The following ZNF804B variants were observed in gnomAD, a reference collection of about 807,000 sequenced individuals.
ZNF804B encodes the protein zinc finger protein 804B.
ZNF804B carries 80 observed loss-of-function variants against 101.4 expected under a neutral mutation model. The observed-to-expected ratio is 0.79, with a 90% CI of 0.66 to 0.95. The LOEUF (loss-of-function observed/expected upper bound fraction) is 0.95. Ranked by LOEUF, ZNF804B falls within the 40% of genes least tolerant of loss-of-function variation. The pLI, the probability that ZNF804B is intolerant of heterozygous loss-of-function variation, is 0.00. For synonymous variants in ZNF804B, 622 were observed against 558.8 expected, an observed-to-expected ratio of 1.11 and a Z score of -1.59; for missense variants, 1,673 against 1,561.9, an observed-to-expected ratio of 1.07 and a Z score of -1.20.
intron 1 of ZNF804B, among the ~76,000 whole-genome samples, chr7:88,820,600 G>A (rs1757784019): frequency 6.6e-6 from 1 of 152,176 alleles, no homozygotes; most frequent in South Asian, 2.1e-4. Flanking sequence ...ATGTTCTGGA[G>A]CATGGTGAAG....
intron 1 of ZNF804B, among the ~76,000 whole-genome samples, chr7:89,130,064 C>T (rs755870917): frequency 6.6e-6 from 1 of 151,824 alleles, no homozygotes; most frequent in South Asian, 2.1e-4. Flanking sequence ...AATATATATT[C>T]CCAGCTGTTG....
chr7:89,278,905 G>A (rs1050518413), intron 2 of ZNF804B, among the ~76,000 whole-genome samples: 1 of 152,078 alleles, frequency 6.6e-6, no homozygotes, highest in East Asian at 1.9e-4. Flanking sequence ...TTGGTAGCTT[G>A]ATGGGGATGG....
chr7:88,937,856 T>TGA (rs756874569), intron 1 of ZNF804B, among the ~76,000 whole-genome samples: 3 of 151,838 alleles, frequency 2.0e-5, no homozygotes, highest in Non-Finnish European at 4.4e-5. Context: ...TTTACATCTT[T>TGA]GAGAGAGAGA....
intron 1 of ZNF804B, among the ~76,000 whole-genome samples, chr7:89,081,591 G>A (rs1338138145): frequency 6.6e-6 from 1 of 151,716 alleles, no homozygotes; most frequent in African/African-American, 2.4e-5. Flanking sequence ...AAGAAAAACA[G>A]GTCATCAACA....
chr7:88,827,230 A>G lies in ZNF804B; in HGVS notation c.108+67146A>G, dbSNP rs565936913. Among the ~76,000 whole-genome samples the G allele has an allele frequency of 6.6e-4, 100 of 152,012 alleles. 1 individual carries two copies. Among genetic ancestry groups the G allele is most frequent in the Middle Eastern group, 3.4e-3 (1 of 294 alleles). ...TAATTTCCAAGAGGATACAGTATAC[A>G]CAGTTTTAAAAATAAACTCATTAAC... On this transcript the variant is annotated intron_variant, in intron 1 of 3. Transcript: ENST00000333190.
intron 1 of ZNF804B, among the ~76,000 whole-genome samples, chr7:88,983,065 C>T (rs1793714774): frequency 6.6e-6 from 1 of 152,092 alleles, no homozygotes; most frequent in Non-Finnish European, 1.5e-5. Flanking sequence ...ACCCCACTCT[C>T]ATATTCTAAG....
At chr7:89,261,952 G>A (rs1789718819) in intron 2 of ZNF804B, among the ~76,000 whole-genome samples, 1 of 152,006 alleles carries the variant, frequency 6.6e-6, no homozygotes, top group Non-Finnish European at 1.5e-5. Context: ...CTCACTTTCT[G>A]GGTTTATTAT....
chr7:89,320,588 T>G (rs1790803983), intron 2 of ZNF804B, among the ~76,000 whole-genome samples: 2 of 151,928 alleles, frequency 1.3e-5, no homozygotes, highest in Non-Finnish European at 2.9e-5. Flanking sequence ...TAAGAGAGCA[T>G]GAGGTAGAAA....
At chr7:88,769,916 A>G (rs1488272216) in intron 1 of ZNF804B, among the ~76,000 whole-genome samples, 1 of 152,162 alleles carries the variant, frequency 6.6e-6, no homozygotes, top group African/African-American at 2.4e-5. Flanking sequence ...TAAATAATAA[A>G]TTTTATCTAA....
At chr7:88,773,051 T>C (rs957999072) in intron 1 of ZNF804B, among the ~76,000 whole-genome samples, 2 of 152,196 alleles carry the variant, frequency 1.3e-5, no homozygotes, top group African/African-American at 2.4e-5. Flanking sequence ...TGGTTAAAAT[T>C]CATACATCTT....
At chr7:89,257,858 T>C (rs1789657216) in intron 2 of ZNF804B, among the ~76,000 whole-genome samples, 1 of 152,122 alleles carries the variant, frequency 6.6e-6, no homozygotes, top group Admixed American at 6.5e-5. Flanking sequence ...TGAGAACATG[T>C]GACATTTGGT....
chr7:89,285,892 C>T (rs1213596782), intron 2 of ZNF804B, among the ~76,000 whole-genome samples: 1 of 142,566 alleles, frequency 7.0e-6, no homozygotes, highest in South Asian at 2.1e-4. Context: ...CTCTGTCACC[C>T]TGAGACAGCA....
chr7:89,086,695 A>G (rs572704342), intron 1 of ZNF804B, among the ~76,000 whole-genome samples: 1 of 152,164 alleles, frequency 6.6e-6, no homozygotes, highest in East Asian at 1.9e-4. Flanking sequence ...TGAACCATGC[A>G]GCAGATGGTG....
intron 1 of ZNF804B, among the ~76,000 whole-genome samples, chr7:89,036,243 C>A (rs1181681850): frequency 6.6e-6 from 1 of 151,136 alleles, no homozygotes; most frequent in Admixed American, 6.6e-5. Context: ...TGACTTTATT[C>A]TTGGCTAAAC....
At chr7:88,904,937 A>G (rs959486004) in intron 1 of ZNF804B, among the ~76,000 whole-genome samples, 2 of 152,092 alleles carry the variant, frequency 1.3e-5, no homozygotes, top group African/African-American at 4.8e-5. Context: ...GATGCCTTTT[A>G]TTTCTTTCTC....
chr7:89,079,601 G>A (rs1583974433), intron 1 of ZNF804B, among the ~76,000 whole-genome samples: 2 of 152,042 alleles, frequency 1.3e-5, no homozygotes, highest in South Asian at 4.2e-4. Flanking sequence ...TCCAGTTGGG[G>A]CAGACAGGCA....
At chr7:88,959,654 A>T (rs1793362088) in intron 1 of ZNF804B, among the ~76,000 whole-genome samples, 1 of 151,252 alleles carries the variant, frequency 6.6e-6, no homozygotes, top group Middle Eastern at 3.2e-3. Flanking sequence ...TCCCTCATAG[A>T]TTTATAACGT....
intron 1 of ZNF804B, among the ~76,000 whole-genome samples, chr7:88,774,961 T>C (rs1207526721): frequency 1.3e-5 from 2 of 152,184 alleles, no homozygotes; most frequent in South Asian, 2.1e-4. Context: ...GGAATTCAGA[T>C]AGTAAGTTTT....
intron 1 of ZNF804B, among the ~76,000 whole-genome samples, chr7:88,861,575 C>T (rs923573893): frequency 4.6e-5 from 7 of 152,136 alleles, no homozygotes; most frequent in African/African-American, 1.4e-4. Context: ...TTTTATTGAT[C>T]TCTCAGCGAT....
Sources: gnomAD v4.1 joint callset for allele counts (sites outside exome capture counted in the v4.1 genomes callset) on GRCh38, gnomAD v4.1.1 for gene constraint, MANE v1.5 for transcripts, NCBI Gene and HGNC (gene_info 2026-07-23, HGNC 2026-07-21) for gene names.